Variants in FNIP2 observed in about 807,000 individuals in gnomAD.
The protein encoded by FNIP2 is folliculin-interacting protein 2.
In FNIP2, 32 loss-of-function variants were observed where a neutral mutation model predicts 108.7. The observed-to-expected ratio is 0.29, with a 90% CI of 0.22 to 0.40. The LOEUF (loss-of-function observed/expected upper bound fraction) is 0.40, where lower values mean the gene tolerates loss of function less well. Ranked by LOEUF, FNIP2 falls within the 10% of genes least tolerant of loss-of-function variation. FNIP2 has a pLI of 1.00. For missense variants in FNIP2, 1,202 were observed against 1,381.6 expected, an observed-to-expected ratio of 0.87 and a Z score of 2.06; for synonymous variants, 480 against 496.7, an observed-to-expected ratio of 0.97 and a Z score of 0.45.
chr4:158,835,370 C>T, intron 6 of FNIP2, 35 bp from the exon 7 acceptor site: 3 of 1,590,498 alleles, frequency 1.9e-6, no homozygotes, highest in Non-Finnish European at 2.6e-6. Flanking sequence ...CTCTGAAGAG[C>T]CCAATAACAT....
chr4:158,834,327 T>TCTCTCTCTCTCTCTCTCTCC (rs1447356630), intron 6 of FNIP2: 2 of 150,214 alleles, frequency 1.3e-5, no homozygotes, highest in Non-Finnish European at 2.9e-5. Context: ...TCTCTCTCTC[T>TCTCTCTCTCTCTCTCTCTCC]CTCCCTCTCT....
rs1447942635 is a variant in FNIP2, at chr4:158,868,489, C to G, written c.1853C>G (p.Ala618Gly). 6.2e-7 allele frequency: 1 copy of G among 1,614,036 alleles called. No homozygotes were observed. The highest frequency in any genetic ancestry group is 8.5e-7 in the Non-Finnish European group (1 of 1,179,894). Residue 618 changes from alanine to glycine, a missense_variant, in exon 13 of 17, where the codon GCT (alanine) becomes GGT (glycine). Ala to Gly is a moderately conservative substitution (Grantham distance 60, BLOSUM62 0). Transcript: ENST00000264433. The surrounding 1 kb of genome is among the most constrained non-coding windows in gnomAD (Gnocchi z 4.6). ...RDLGLKPDKE[A>G]NRRPEQGSEA... is the part of the protein sequence containing the mutation. ...CTGGGTCTTAAACCTGACAAAGAAGCTAACAGGAGGCCAGAGCAGGGTTCT... is the reference window on the plus strand; with the variant it reads ...CTGGGTCTTAAACCTGACAAAGAAGGTAACAGGAGGCCAGAGCAGGGTTCT...
chr4:158,860,946 G>C (rs948153859), intron 10 of FNIP2, among the ~76,000 whole-genome samples: 1 of 151,856 alleles, frequency 6.6e-6, no homozygotes, highest in South Asian at 2.1e-4. Flanking sequence ...GAGCCACCAC[G>C]CCCGGCTGAG....
At chr4:158,890,422 C>T (rs947119593) in intron 14 of FNIP2, 1 of 903,754 alleles carries the variant, frequency 1.1e-6, no homozygotes, top group Non-Finnish European at 1.3e-6. Context: ...CTCTCTTTCC[C>T]ATTTGTGAGA....
intron 7 of FNIP2, among the ~76,000 whole-genome samples, chr4:158,848,418 G>C (rs1331040039): frequency 6.6e-6 from 1 of 152,198 alleles, no homozygotes; most frequent in African/African-American, 2.4e-5. Context: ...CAGCTGGCTT[G>C]TTCAGATACA....
At chr4:158,815,156 G>C (rs1777490663) in intron 1 of FNIP2, among the ~76,000 whole-genome samples, 1 of 152,194 alleles carries the variant, frequency 6.6e-6, no homozygotes, top group Non-Finnish European at 1.5e-5. Context: ...CCATTTTGCA[G>C]ATGAGGCTGT....
intron 7 of FNIP2, among the ~76,000 whole-genome samples, chr4:158,844,902 G>T (rs904328233): frequency 6.6e-6 from 1 of 152,188 alleles, no homozygotes; most frequent in African/African-American, 2.4e-5. Context: ...TCTTTAGATT[G>T]ATTCTCTTTT....
At chr4:158,845,176 A>G (rs1019095382) in intron 7 of FNIP2, among the ~76,000 whole-genome samples, 36 of 152,242 alleles carry the variant, frequency 2.4e-4, no homozygotes, top group Non-Finnish European at 1.8e-4. Context: ...AATATTAAGG[A>G]ACATTTAGAT....
chr4:158,904,371 A>G (rs1179041471), intron 16 of FNIP2, 95 bp from the exon 17 acceptor site: 3 of 1,089,614 alleles, frequency 2.8e-6, no homozygotes, highest in East Asian at 4.9e-5. Context: ...CAAACTTAGT[A>G]CCTAGAAATA....
At chr4:158,873,143 G>A (rs1294208750) in intron 14 of FNIP2, among the ~76,000 whole-genome samples, 3 of 145,920 alleles carry the variant, frequency 2.1e-5, no homozygotes, top group South Asian at 4.3e-4. Flanking sequence ...ATAAAATAGC[G>A]TTAAAAAAAA....
rs59700280 is a variant in FNIP2, at chr4:158,906,226, A to C, written c.*1682A>C. The C allele has an allele frequency of 1.4e-4, 21 of 152,274 alleles. No homozygotes were observed. The highest frequency in any genetic ancestry group is 4.8e-4 in the African/African-American group (20 of 41,546). 9.4% of individuals were successfully genotyped at this position (152,274 alleles called of 1,614,324 possible). On this transcript the variant is annotated 3_prime_UTR_variant, in exon 17 of 17. Coordinates refer to ENST00000264433, the MANE Select transcript of FNIP2 (RefSeq NM_020840.3). Reference sequence around the variant, plus strand: ...TTGTTTGCTGTTGTGTTACAGAGAGAGAAGGAACCTCACCTGTGGCTCAGC... The same window carrying C: ...TTGTTTGCTGTTGTGTTACAGAGAGCGAAGGAACCTCACCTGTGGCTCAGC...
intron 1 of FNIP2, among the ~76,000 whole-genome samples, chr4:158,786,211 A>G (rs370921481): frequency 9.8e-5 from 15 of 152,324 alleles, no homozygotes; most frequent in African/African-American, 3.4e-4. Flanking sequence ...CTTCACACTC[A>G]TTGCTGAAAA....
rs906237277 is a variant in FNIP2 at position 158,905,208 on chromosome 4, TG to T, written c.*667del. ...GTTTACCTTGTTTCAGATGCAGCCA[TG>T]GGTAGGTCAGAGATGGATTGTTGGT... On this transcript the variant is annotated 3_prime_UTR_variant, in exon 17 of 17. Transcript: ENST00000264433. 1 of 152,440 alleles carries T rather than the reference TG, an allele frequency of 6.6e-6. No homozygotes were observed. Among genetic ancestry groups the T allele is most frequent in the African/African-American group, 2.4e-5 (1 of 41,462 alleles). The allele number at this position is 152,440 out of a possible 1,614,324, so 9.4% of individuals were successfully genotyped here. A position where few individuals can be genotyped will look rare whatever the true frequency, so the allele number is the denominator to read the frequency against.
At chr4:158,812,394 G>C (rs1399124714) in intron 1 of FNIP2, among the ~76,000 whole-genome samples, 1 of 152,006 alleles carries the variant, frequency 6.6e-6, no homozygotes, top group East Asian at 1.9e-4. Flanking sequence ...GCTGAACAGG[G>C]ACAGACTTGA....
chr4:158,869,570 T>A, intron 13 of FNIP2, 142 bp downstream of exon 13: 5 of 1,232,114 alleles, frequency 4.1e-6, no homozygotes, highest in Non-Finnish European at 5.5e-6. Context: ...GAAGTATTAT[T>A]AATTCTATAC....
intron 13 of FNIP2, among the ~76,000 whole-genome samples, chr4:158,869,872 T>C (rs1780835141): frequency 6.6e-6 from 1 of 152,258 alleles, no homozygotes; most frequent in Non-Finnish European, 1.5e-5. Flanking sequence ...ACAACACCTC[T>C]TTCTTAACAC....
chr4:158,890,009 T>G (rs943280863), intron 14 of FNIP2: 1 of 985,350 alleles, frequency 1.0e-6, no homozygotes, highest in Non-Finnish European at 1.2e-6. Context: ...ATGAAAACCT[T>G]TGGTTGAAAA....
intron 1 of FNIP2, among the ~76,000 whole-genome samples, chr4:158,792,476 C>T (rs1015595563): frequency 1.3e-5 from 2 of 150,922 alleles, no homozygotes; most frequent in African/African-American, 2.4e-5. Context: ...CTGTGATGTG[C>T]GTTACAAAGA....
chr4:158,852,009 A>G (rs1779726685), intron 8 of FNIP2, among the ~76,000 whole-genome samples: 1 of 152,182 alleles, frequency 6.6e-6, no homozygotes, highest in Non-Finnish European at 1.5e-5. Flanking sequence ...TGTTCTTCCT[A>G]CAATCCAAAT....
Sources: gnomAD v4.1 joint callset for allele counts (sites outside exome capture counted in the v4.1 genomes callset) on GRCh38, gnomAD v4.1.1 for gene constraint, Gnocchi (gnomAD v3.1) non-coding constraint, MANE v1.5 for transcripts, NCBI Gene and HGNC (gene_info 2026-07-23, HGNC 2026-07-21) for gene names.